TMEM18: variants seen among roughly 807,000 people sequenced by gnomAD.
TMEM18 encodes transmembrane protein 18.
A neutral mutation model predicts 17.4 loss-of-function variants in TMEM18; 14 were observed. The observed-to-expected ratio is 0.80, with a 90% CI of 0.53 to 1.25. The LOEUF (loss-of-function observed/expected upper bound fraction) is 1.25, where lower values mean the gene tolerates loss of function less well. Ranked by LOEUF, TMEM18 falls within the 50% of genes most tolerant of loss-of-function variation. The pLI is 0.00. For missense variants in TMEM18, 187 were observed against 172.1 expected, an observed-to-expected ratio of 1.09 and a Z score of -0.48; for synonymous variants, 86 against 66.1, an observed-to-expected ratio of 1.30 and a Z score of -1.46.
chr2:673,513 T>TA (rs1288439763), intron 2 of TMEM18, among the ~76,000 whole-genome samples: 1 of 152,138 alleles, frequency 6.6e-6, no homozygotes, highest in Non-Finnish European at 1.5e-5. Flanking sequence ...CATGGTACCA[T>TA]AAAATCAAAT....
rs1410062465 is a variant in TMEM18, at chr2:676,996, G to T, written c.57+293C>A. Among the ~76,000 whole-genome samples, 130 of 72,260 alleles carry T rather than the reference G, an allele frequency of 1.8e-3. 1 individual carries two copies. The highest frequency in any genetic ancestry group is 6.9e-3 in the African/African-American group (125 of 18,220). 47.4% of individuals were successfully genotyped at this position (72,260 alleles called of 152,430 possible). A position where few individuals can be genotyped will look rare whatever the true frequency, so the allele number is the denominator to read the frequency against. The stretch of plus-strand genomic sequence containing the variant: ...CACGCTCCTCCACAAGGCCCCGCCC[G>T]GCCCCGCCCCTCCCCGCCCAACGGC... On this transcript the variant is annotated intron_variant, in intron 1 of 4. Transcript: ENST00000281017.
At position 664,046 on chromosome 2, in the gene TMEM18, G is replaced by A. The variant is rs1678611528; in HGVS notation, c.*5534C>T. On this transcript the variant is annotated 3_prime_UTR_variant, in exon 5 of 5. Coordinates refer to ENST00000281017, the MANE Select transcript of TMEM18 (RefSeq NM_152834.4). Reference sequence around the variant, plus strand: ...TGAGCAAAAGGATATTCGGTTTGGAGGCTAGAGAAGGAAGCAATGATGCTG... The same window carrying A: ...TGAGCAAAAGGATATTCGGTTTGGAAGCTAGAGAAGGAAGCAATGATGCTG... 6.6e-6 allele frequency among the ~76,000 whole-genome samples: 1 copy of A among 152,206 alleles called. No homozygotes were observed. Among genetic ancestry groups the A allele is most frequent in the Non-Finnish European group, 1.5e-5 (1 of 68,044 alleles).
rs1389399697 is a variant in TMEM18 at position 666,667 on chromosome 2, C to T, written c.*2913G>A. ...CCATCCTGGGACTGGGCAGCGCCACCCCCTGGGTGCTCTTCTCTGCCCTGG... is the reference window on the plus strand; with the variant it reads ...CCATCCTGGGACTGGGCAGCGCCACTCCCTGGGTGCTCTTCTCTGCCCTGG... On this transcript the variant is annotated 3_prime_UTR_variant, in exon 5 of 5. Transcript: ENST00000281017. Among the ~76,000 whole-genome samples the T allele has an allele frequency of 6.6e-6, 1 of 152,146 alleles. No individual in the cohort carries two copies. The highest frequency in any genetic ancestry group is 1.5e-5 in the Non-Finnish European group (1 of 68,020).
intron 2 of TMEM18, among the ~76,000 whole-genome samples, chr2:674,840 G>A (rs1002988938): frequency 6.6e-6 from 1 of 152,210 alleles, no homozygotes; most frequent in African/African-American, 2.4e-5. Context: ...CTACCCACAC[G>A]TGTTCGTAAC....
intron 1 of TMEM18, chr2:676,586 G>A (rs905449535): frequency 1.3e-6 from 2 of 1,550,504 alleles, no homozygotes; most frequent in Non-Finnish European, 1.7e-6. Context: ...GAAGACCAGA[G>A]GCACGGAGGT....
chr2:676,690 AC>A, intron 1 of TMEM18: 1 of 1,522,318 alleles, frequency 6.6e-7, no homozygotes, highest in Non-Finnish European at 8.9e-7. Context: ...GATCTGTCAG[AC>A]GAACCCGGCA....
chr2:670,190 C>T lies in TMEM18; in HGVS notation c.234-340G>A, dbSNP rs191376216. Reference sequence around the variant, plus strand: ...GACCTTAGCTGGAAGACACTGATGACTTGAAATCCTTAAAACCTACAGAGT... The same window carrying T: ...GACCTTAGCTGGAAGACACTGATGATTTGAAATCCTTAAAACCTACAGAGT... On this transcript the variant is annotated intron_variant, in intron 3 of 4. Transcript: ENST00000281017. 2.4e-3 allele frequency: 589 copies of T among 244,026 alleles called. 3 individuals are homozygous for T. The highest frequency in any genetic ancestry group is 0.013 in the African/African-American group (561 of 43,830). 15.1% of individuals were successfully genotyped at this position (244,026 alleles called of 1,614,324 possible).
In TMEM18 at chr2:667,277, T is replaced by C. The variant is rs1446496268; in HGVS notation, c.*2303A>G. ...AGTTCCAGGTGCTCCTGTTTCCAGT[T>C]ACAGTAAGGTGCAAAACAAATACCA... On this transcript the variant is annotated 3_prime_UTR_variant, in exon 5 of 5. Transcript: ENST00000281017. 6.6e-6 allele frequency: 1 copy of C among 151,686 alleles called. No individual in the cohort carries two copies. Among genetic ancestry groups the C allele is most frequent in the Non-Finnish European group, 1.5e-5 (1 of 67,932 alleles). The allele number at this position is 151,686 out of a possible 1,614,324, so 9.4% of individuals were successfully genotyped here.
In TMEM18 at chr2:672,827, C is replaced by T. The variant is rs1678890318; in HGVS notation, c.214G>A (p.Ala72Thr). 1.3e-6 allele frequency: 2 copies of T among 1,481,578 alleles called. No homozygotes were observed. Among genetic ancestry groups the T allele is most frequent in the South Asian group, 2.8e-5 (2 of 70,312 alleles). 91.8% of individuals were successfully genotyped at this position (1,481,578 alleles called of 1,614,324 possible). The change falls in exon 3 of 5, where the codon GCG (alanine) becomes ACG (threonine). Residue 72 changes from alanine (A) to threonine (T), a missense_variant. By Grantham distance (58) the Ala-to-Thr change is moderately conservative. Coordinates refer to ENST00000281017, the MANE Select transcript of TMEM18 (RefSeq NM_152834.4). ...GCTCACCTCCAGTTCATCGCAGCCG[C>T]CTCATTGATGTATTCAGCACAGTAG... ...LVYCAEYINE[A>T]AAMNWRLFSK... is the part of the protein sequence containing the mutation.
At chr2:676,606 A>T in intron 1 of TMEM18, 1 of 1,550,372 alleles carries the variant, frequency 6.5e-7, no homozygotes, top group South Asian at 1.2e-5. Context: ...TGAGGGGAGC[A>T]CGGCTTTCTG....
chr2:676,074 T>G, intron 1 of TMEM18: 1 of 1,321,192 alleles, frequency 7.6e-7, no homozygotes, highest in Non-Finnish European at 1.0e-6. Context: ...AGGTAAAACA[T>G]GAATCATCAT....
intron 1 of TMEM18, chr2:676,352 C>T: frequency 6.9e-7 from 1 of 1,447,702 alleles, no homozygotes; most frequent in African/African-American, 1.4e-5. Context: ...CCTCCCCATC[C>T]CCTCCTTGAG....
Position 669,299 on chromosome 2 carries a change from C to T in TMEM18, c.*281G>A, listed in dbSNP as rs1314757831. The stretch of plus-strand genomic sequence containing the variant: ...GTACTAGTTACACATATGACATGGA[C>T]TTCTTCAAATCAAATTCCCAGTTAT... On this transcript the variant is annotated 3_prime_UTR_variant, in exon 5 of 5. Transcript: ENST00000281017. 4.6e-6 allele frequency: 2 copies of T among 437,920 alleles called. No homozygotes were observed. Among genetic ancestry groups the T allele is most frequent in the East Asian group, 3.8e-5 (1 of 26,298 alleles). The allele number at this position is 437,920 out of a possible 1,614,324, so 27.1% of individuals were successfully genotyped here. A position where few individuals can be genotyped will look rare whatever the true frequency, so the allele number is the denominator to read the frequency against.
At chr2:675,958 A>G in intron 1 of TMEM18, 1 of 1,341,582 alleles carries the variant, frequency 7.5e-7, no homozygotes, top group Non-Finnish European at 9.8e-7. Context: ...AGGTGGGTAT[A>G]ATTAAAGGAA....
Position 665,104 on chromosome 2 carries a change from A to C in TMEM18, c.*4476T>G, listed in dbSNP as rs1415426304. ...AGGCAGAGGAAAGACCAGCACATGGAGGGCCAAGCTGTGAGTGAGTTGGGC... is the reference window on the plus strand; with the variant it reads ...AGGCAGAGGAAAGACCAGCACATGGCGGGCCAAGCTGTGAGTGAGTTGGGC... On this transcript the variant is annotated 3_prime_UTR_variant, in exon 5 of 5. Coordinates refer to ENST00000281017, the MANE Select transcript of TMEM18 (RefSeq NM_152834.4). Among the ~76,000 whole-genome samples, 1 of 152,228 alleles carries C rather than the reference A, an allele frequency of 6.6e-6. No homozygotes were observed. The highest frequency in any genetic ancestry group is 1.5e-5 in the Non-Finnish European group (1 of 68,032).
chr2:669,956 G>A (rs553505503), intron 3 of TMEM18, 106 bp from the exon 4 acceptor site: 2 of 875,698 alleles, frequency 2.3e-6, no homozygotes, highest in Admixed American at 2.4e-5. Flanking sequence ...GTGGACTGAG[G>A]TGGGAGCAAC....
intron 2 of TMEM18, 108 bp downstream of exon 2, chr2:675,402 T>G: frequency 6.6e-7 from 1 of 1,509,374 alleles, no homozygotes; most frequent in South Asian, 1.2e-5. Context: ...GACAGAGGGT[T>G]GGGAGGTCTT....
At chr2:674,319 G>A (rs548263920) in intron 2 of TMEM18, among the ~76,000 whole-genome samples, 161 of 152,318 alleles carry the variant, frequency 1.1e-3, no homozygotes, top group Non-Finnish European at 1.5e-3. Context: ...GGGCCTCTGC[G>A]TGGGGCACTT....
chr2:667,029 T>TTA lies in TMEM18; in HGVS notation c.*2550_*2551insTA. Reference sequence around the variant, plus strand: ...ACCCCCAGCCCTTTTTTTTTTTTTTTAACATTTATTATTTTGTAAAGGGCA... The same window carrying TTA: ...ACCCCCAGCCCTTTTTTTTTTTTTTTTAAACATTTATTATTTTGTAAAGGGCA... On this transcript the variant is annotated 3_prime_UTR_variant, in exon 5 of 5. Coordinates refer to ENST00000281017, the MANE Select transcript of TMEM18 (RefSeq NM_152834.4). 6.6e-6 allele frequency among the ~76,000 whole-genome samples: 1 copy of TTA among 151,016 alleles called. No individual in the cohort carries two copies. The highest frequency in any genetic ancestry group is 2.1e-4 in the South Asian group (1 of 4,772).
Sources: allele counts gnomAD v4.1 joint callset (sites outside exome capture counted in the v4.1 genomes callset), GRCh38; gene constraint gnomAD v4.1.1; transcripts MANE v1.5; gene names NCBI Gene and HGNC (gene_info 2026-07-23, HGNC 2026-07-21).